CPT1A: variants seen among roughly 807,000 people sequenced by gnomAD.
CPT1A encodes carnitine palmitoyltransferase 1A.
Under a neutral mutation model 100.8 loss-of-function variants are expected in CPT1A, and 64 were observed. The observed-to-expected ratio is 0.63, with a 90% CI of 0.52 to 0.78. The LOEUF (loss-of-function observed/expected upper bound fraction) is 0.78, where lower values mean the gene tolerates loss of function less well. Among genes scored for constraint, CPT1A ranks in the 30% least tolerant of loss-of-function variants. CPT1A has a pLI of 0.00. For synonymous variants in CPT1A, 363 were observed against 396.0 expected (o/e 0.92, Z 0.99); for missense variants, 802 against 1,034.1 (o/e 0.78, Z 3.08).
Position 68,801,218 on chromosome 11 carries a change from C to T in CPT1A, c.556-1863G>A, listed in dbSNP as rs3794020. ...CCCTGAATGAGCTGAAGTGGAACCC[C>T]GAGCTACGCAACACAGACAGAGGTC... On this transcript the variant is annotated intron_variant, in intron 5 of 18. Coordinates refer to ENST00000265641, the MANE Select transcript of CPT1A (RefSeq NM_001876.4). Among the ~76,000 whole-genome samples, 3,843 of 152,238 alleles carry T rather than the reference C, an allele frequency of 0.025. 442 individuals are homozygous for T. The East Asian group carries it at 0.4, about 16-fold the overall frequency.
intron 5 of CPT1A, among the ~76,000 whole-genome samples, chr11:68,800,974 T>C (rs1421883346): frequency 6.6e-6 from 1 of 151,800 alleles, no homozygotes; most frequent in East Asian, 2.0e-4. Flanking sequence ...GCAGGCATAG[T>C]GGTGCACACC....
rs1181936050 is a variant in CPT1A at position 68,761,552 on chromosome 11, A to T, written c.2011T>A (p.Ser671Thr). Residue 671 changes from serine to threonine, a missense_variant, in exon 16 of 19, where the codon TCC becomes ACC. Ser to Thr is a moderately conservative substitution (Grantham distance 58). Transcript: ENST00000265641. ...YVVSKYLAVE[S>T]PFLKEVLSEP... ...AGACTTACTTCCTTAAGGAAAGGGG[A>T]CTCCACAGCGAGATATTTAGACACC... 4 of 1,613,818 alleles carry T rather than the reference A, an allele frequency of 2.5e-6. No individual in the cohort carries two copies. Among genetic ancestry groups the T allele is most frequent in the Non-Finnish European group, 2.5e-6 (3 of 1,179,980 alleles).
rs372364901 is a variant in CPT1A at position 68,775,308 on chromosome 11, G to A, written c.1575+8C>T. On this transcript the variant is annotated splice_region_variant and intron_variant, in intron 13 of 18. Coordinates refer to ENST00000265641, the MANE Select transcript of CPT1A (RefSeq NM_001876.4). The stretch of plus-strand genomic sequence containing the variant: ...GTAAGTAACAATGGTTGGATAATCC[G>A]GACTTACTTCCCCCGGGATGTCCCA... 5.2e-4 allele frequency: 827 copies of A among 1,602,176 alleles called. 7 individuals carry two copies. In the South Asian group the frequency reaches 8.4e-3, roughly 16 times the overall value.
chr11:68,757,150 A>G lies in CPT1A; in HGVS notation c.*494T>C. On this transcript the variant is annotated 3_prime_UTR_variant, in exon 19 of 19. Transcript: ENST00000265641. ...TGACAAAAGCAGGTCTCCAAAGCACAGCATTTTGGTTAGTGCATTCCAGAT... is the reference window on the plus strand; with the variant it reads ...TGACAAAAGCAGGTCTCCAAAGCACGGCATTTTGGTTAGTGCATTCCAGAT... 1 of 277,162 alleles carries G rather than the reference A, an allele frequency of 3.6e-6. No individual in the cohort carries two copies. The highest frequency in any genetic ancestry group is 5.8e-6 in the Non-Finnish European group (1 of 172,474). The allele number at this position is 277,162 out of a possible 1,614,324, so 17.2% of individuals were successfully genotyped here. A position where few individuals can be genotyped will look rare whatever the true frequency, so the allele number is the denominator to read the frequency against.
At chr11:68,801,821 C>T (rs920942145) in intron 5 of CPT1A, among the ~76,000 whole-genome samples, 3 of 152,126 alleles carry the variant, frequency 2.0e-5, no homozygotes, top group Non-Finnish European at 2.9e-5. Flanking sequence ...GGTGCAGCTG[C>T]GTGAGAGTCT....
At position 68,769,520 on chromosome 11, in the gene CPT1A, G is replaced by A. The variant is rs112379101; in HGVS notation, c.1740+3745C>T. ...CCTGCCTCAGCCACCCAAAGTGCTA[G>A]GATTATAGGACTGAGACCACTTTAA... On this transcript the variant is annotated intron_variant, in intron 14 of 18. Transcript: ENST00000265641. Among the ~76,000 whole-genome samples, 42 of 151,666 alleles carry A rather than the reference G, an allele frequency of 2.8e-4. 1 individual carries two copies. In the Middle Eastern group the frequency reaches 0.01, roughly 37 times the overall value.
intron 1 of CPT1A, among the ~76,000 whole-genome samples, chr11:68,838,582 A>AAAAAAC (rs1857077796): frequency 2.8e-5 from 4 of 145,382 alleles, no homozygotes; most frequent in African/African-American, 1.0e-4. Context: ...TAAAAAAAAA[A>AAAAAAC]AAAAAAAAAC....
intron 14 of CPT1A, among the ~76,000 whole-genome samples, chr11:68,768,154 G>C (rs934065047): frequency 1.6e-5 from 2 of 126,898 alleles, no homozygotes; most frequent in Non-Finnish European, 3.1e-5. Flanking sequence ...CGGCTCACTG[G>C]AAGCTCCGCC....
At chr11:68,810,227 T>G (rs1243023023) in intron 3 of CPT1A, among the ~76,000 whole-genome samples, 1 of 151,970 alleles carries the variant, frequency 6.6e-6, no homozygotes, top group Non-Finnish European at 1.5e-5. Context: ...GAATGAAAAG[T>G]ACGTAGGAAC....
chr11:68,796,226 G>T (rs779668688), intron 7 of CPT1A, among the ~76,000 whole-genome samples: 11 of 152,134 alleles, frequency 7.2e-5, no homozygotes, highest in Non-Finnish European at 1.5e-4. Flanking sequence ...GGATCTTAAG[G>T]CCGCTGTGGC....
intron 1 of CPT1A, among the ~76,000 whole-genome samples, chr11:68,837,127 G>C (rs1857029224): frequency 6.6e-6 from 1 of 152,114 alleles, no homozygotes. Context: ...TCAGCTCACT[G>C]CAACCTCCAA....
chr11:68,789,179 T>C (rs1271678039), intron 9 of CPT1A, among the ~76,000 whole-genome samples: 1 of 152,214 alleles, frequency 6.6e-6, no homozygotes, highest in African/African-American at 2.4e-5. Flanking sequence ...TTCCATTTTA[T>C]AGCAATATAT....
chr11:68,800,490 CA>C (rs57450875), intron 5 of CPT1A, among the ~76,000 whole-genome samples: 3,412 of 78,950 alleles, frequency 0.043, 88 homozygotes, highest in African/African-American at 0.11. Flanking sequence ...CCCATCTCTG[CA>C]AAAAAAAAAA....
At position 68,755,100 on chromosome 11, in the gene CPT1A, T is replaced by C. The variant is rs1056355685; in HGVS notation, c.*2544A>G. On this transcript the variant is annotated 3_prime_UTR_variant, in exon 19 of 19. Coordinates refer to ENST00000265641, the MANE Select transcript of CPT1A (RefSeq NM_001876.4). ...TTGGACATGTACAATAAGACCCCTC[T>C]TTCTCCCCTCAAGGAATATAAAATT... 7 of 482,648 alleles carry C rather than the reference T, an allele frequency of 1.5e-5. No individual in the cohort carries two copies. The highest frequency in any genetic ancestry group is 2.6e-5 in the Non-Finnish European group (7 of 269,654). 29.9% of individuals were successfully genotyped at this position (482,648 alleles called of 1,614,324 possible).
intron 10 of CPT1A, among the ~76,000 whole-genome samples, chr11:68,782,651 C>T (rs1173763274): frequency 3.9e-5 from 6 of 152,158 alleles, no homozygotes; most frequent in African/African-American, 9.7e-5. Context: ...CGAGTGCTCC[C>T]GGGTCCCTCT....
chr11:68,786,612 C>A (rs1189666767), intron 9 of CPT1A, among the ~76,000 whole-genome samples: 4 of 152,164 alleles, frequency 2.6e-5, no homozygotes, highest in African/African-American at 9.7e-5. Context: ...CTCACTGCAA[C>A]CTCCGCCTCC....
chr11:68,815,631 C>A lies in CPT1A; in HGVS notation c.-13-144G>T, dbSNP rs533173306. 137 of 774,604 alleles carry A rather than the reference C, an allele frequency of 1.8e-4. No homozygotes were observed. The South Asian group carries it at 2.2e-3, about 13-fold the overall frequency. 48.0% of individuals were successfully genotyped at this position (774,604 alleles called of 1,614,324 possible). On this transcript the variant is annotated intron_variant, in intron 1 of 18. Transcript: ENST00000265641. ...AATACTTTTCATCAACAGACCAATT[C>A]CATCACCACAGCTGGCACCCCCTTG...
intron 4 of CPT1A, among the ~76,000 whole-genome samples, chr11:68,806,881 G>A (rs1856061463): frequency 6.6e-6 from 1 of 151,964 alleles, no homozygotes; most frequent in Non-Finnish European, 1.5e-5. Context: ...AGTGAGCTGA[G>A]ATCACACCAC....
intron 3 of CPT1A, among the ~76,000 whole-genome samples, chr11:68,809,029 T>TA (rs61177355): frequency 0.13 from 20,184 of 150,952 alleles, 3,421 homozygotes; most frequent in African/African-American, 0.4. Context: ...AAATAAGAAA[T>TA]AAAAAAAGAA....
Sources: allele counts gnomAD v4.1 joint callset (sites outside exome capture counted in the v4.1 genomes callset), GRCh38; gene constraint gnomAD v4.1.1; transcripts MANE v1.5; gene names NCBI Gene and HGNC (gene_info 2026-07-23, HGNC 2026-07-21).